Variants in LY9 observed in about 807,000 individuals in gnomAD.
LY9 encodes T-lymphocyte surface antigen Ly-9.
A neutral mutation model predicts 64.6 loss-of-function variants in LY9; 59 were observed. That is an observed-to-expected ratio of 0.91 (90% CI 0.74 to 1.13). The LOEUF (loss-of-function observed/expected upper bound fraction) is 1.13. LY9 is among the 50% of genes most tolerant of loss of function. The pLI is 0.00. For missense variants in LY9, 789 were observed against 797.2 expected, an observed-to-expected ratio of 0.99 and a Z score of 0.12; for synonymous variants, 281 against 308.5, an observed-to-expected ratio of 0.91 and a Z score of 0.93.
In LY9 at chr1:160,803,572, T is replaced by C. The variant is rs1438703562; in HGVS notation, c.454+3490T>C. On this transcript the variant is annotated intron_variant, in intron 2 of 9. Coordinates refer to ENST00000263285, the MANE Select transcript of LY9 (RefSeq NM_002348.4). ...ATTATAAACCGGATTCACTTCTTTA[T>C]TTCTTTCTTGATTAAATAATTATTG... 3.9e-5 allele frequency among the ~76,000 whole-genome samples: 6 copies of C among 152,366 alleles called. No homozygotes were observed. In the East Asian group the frequency reaches 1.2e-3, roughly 29 times the overall value.
intron 5 of LY9, 59 bp from the exon 6 acceptor site, chr1:160,818,159 G>A: frequency 8.9e-7 from 1 of 1,119,596 alleles, no homozygotes; most frequent in East Asian, 2.4e-5. Context: ...TCTGTGCATT[G>A]TTTGCTCCAG....
chr1:160,821,829 G>C (rs955639991), intron 7 of LY9, among the ~76,000 whole-genome samples: 8 of 152,140 alleles, frequency 5.3e-5, no homozygotes, highest in African/African-American at 1.9e-4. Context: ...AGCCGGGAGG[G>C]GGCAGGATTG....
At chr1:160,798,999 A>G (rs2101732490) in intron 1 of LY9, 1 of 152,324 alleles carries the variant, frequency 6.6e-6, no homozygotes, top group Middle Eastern at 3.4e-3. Flanking sequence ...CCAGCTTCCT[A>G]GATGCCTTGG....
At chr1:160,811,712 C>T (rs550678711) in intron 2 of LY9, 7 of 152,342 alleles carry the variant, frequency 4.6e-5, no homozygotes, top group African/African-American at 1.7e-4. Context: ...TTTCTAATTT[C>T]TGTCTGAGAC....
At position 160,803,039 on chromosome 1, in the gene LY9, T is replaced by TG. The variant is rs1666652049; in HGVS notation, c.454+2960dup. On this transcript the variant is annotated intron_variant, in intron 2 of 9. Coordinates refer to ENST00000263285, the MANE Select transcript of LY9 (RefSeq NM_002348.4). ...ATTCATGCCCGTAATCCCAACACTT[T>TG]GGGAGGCTGAGGCAGGCAGATCTCT... 2.0e-5 allele frequency among the ~76,000 whole-genome samples: 3 copies of TG among 152,286 alleles called. No individual in the cohort carries two copies. In the South Asian group the frequency reaches 6.2e-4, roughly 32 times the overall value.
In LY9 at chr1:160,800,097, G is replaced by T. The variant is rs1666298144; in HGVS notation, c.454+15G>T. ...GTTCGTCTATGGTGAGTTCCAGAGA[G>T]CTTCTGTGTTTTGATCTTTTCTTTT... On this transcript the variant is annotated intron_variant, in intron 2 of 9. Coordinates refer to ENST00000263285, the MANE Select transcript of LY9 (RefSeq NM_002348.4). The T allele has an allele frequency of 1.3e-6, 2 of 1,579,408 alleles. No individual in the cohort carries two copies. Among genetic ancestry groups the T allele is most frequent in the South Asian group, 2.3e-5 (2 of 86,694 alleles).
At chr1:160,824,502 A>G (rs1668736539) in intron 9 of LY9, 4 of 985,116 alleles carry the variant, frequency 4.1e-6, no homozygotes, top group Non-Finnish European at 4.8e-6. Context: ...ACTGACCTGA[A>G]TGACAGCTTA....
intron 1 of LY9, among the ~76,000 whole-genome samples, chr1:160,796,865 T>C (rs1244476402): frequency 6.6e-6 from 1 of 151,428 alleles, no homozygotes; most frequent in Non-Finnish European, 1.5e-5. Flanking sequence ...GTTTGTTCCC[T>C]GTATGGTGTG....
intron 5 of LY9, among the ~76,000 whole-genome samples, chr1:160,817,677 T>A (rs1017306837): frequency 2.6e-5 from 4 of 152,160 alleles, no homozygotes; most frequent in African/African-American, 9.7e-5. Flanking sequence ...CCCCTTTATA[T>A]GGATAAAGAA....
In LY9 at chr1:160,825,850, C is replaced by T. The variant is rs934942191; in HGVS notation, c.1899+1601C>T. Among the ~76,000 whole-genome samples the T allele has an allele frequency of 1.5e-4, 23 of 152,052 alleles. 1 individual carries two copies. The highest frequency in any genetic ancestry group is 5.3e-4 in the African/African-American group (22 of 41,444). Reference sequence around the variant, plus strand: ...GCTTGAACCCAGGAGGTGGAGGTTGCGGTGAGCAGAGATCACACCATTGCA... The same window carrying T: ...GCTTGAACCCAGGAGGTGGAGGTTGTGGTGAGCAGAGATCACACCATTGCA... On this transcript the variant is annotated intron_variant, in intron 9 of 9. Transcript: ENST00000263285.
chr1:160,818,515 A>G (rs1036985734), intron 6 of LY9, among the ~76,000 whole-genome samples, 196 bp downstream of exon 6: 9 of 152,128 alleles, frequency 5.9e-5, no homozygotes, highest in African/African-American at 2.2e-4. Flanking sequence ...ACTGGCTTAG[A>G]CAGAAAAAAA....
At chr1:160,801,193 A>G (rs1358483052) in intron 2 of LY9, among the ~76,000 whole-genome samples, 1 of 152,128 alleles carries the variant, frequency 6.6e-6, no homozygotes, top group African/African-American at 2.4e-5. Context: ...AAGAGTGTCT[A>G]AGATTTCCCC....
At chr1:160,817,102 C>A in intron 5 of LY9, among the ~76,000 whole-genome samples, 1 of 152,180 alleles carries the variant, frequency 6.6e-6, no homozygotes. Context: ...CTGAATATAT[C>A]CAAAATATCA....
chr1:160,809,093 ACC>A (rs1458327088), intron 2 of LY9, among the ~76,000 whole-genome samples: 2 of 152,070 alleles, frequency 1.3e-5, no homozygotes, highest in Non-Finnish European at 2.9e-5. Context: ...ATTCTTGTGC[ACC>A]TATCTTTTCA....
chr1:160,818,908 C>G (rs974533652), intron 6 of LY9, among the ~76,000 whole-genome samples: 1 of 152,162 alleles, frequency 6.6e-6, no homozygotes, highest in African/African-American at 2.4e-5. Context: ...GGACCAATTT[C>G]TATAGCCAAG....
rs1254977975 is a variant in LY9, at chr1:160,813,729, C to A, written c.548C>A (p.Ala183Glu). Residue 183 changes from alanine to glutamate, a missense_variant, in exon 3 of 10, where the codon GCA becomes GAA. Physicochemically the swap from Ala to Glu is moderately radical, Grantham distance 107 (BLOSUM62 -1). Transcript: ENST00000263285. ...NITLMCSVKG[A>E]EKSVLYSWTP... Reference sequence around the variant, plus strand: ...ACTCTAATGTGCTCCGTGAAGGGGGCAGAGAAAAGTGTTCTGTACAGCTGG... The same window carrying A: ...ACTCTAATGTGCTCCGTGAAGGGGGAAGAGAAAAGTGTTCTGTACAGCTGG... The A allele has an allele frequency of 6.2e-7, 1 of 1,614,086 alleles. No homozygotes were observed. The highest frequency in any genetic ancestry group is 2.2e-5 in the East Asian group (1 of 44,888).
rs116166742 is a variant in LY9 at position 160,816,975 on chromosome 1, T to C, written c.1342+112T>C. Reference sequence around the variant, plus strand: ...TAAGAGGCTGTGGGTGAGAGCCCTTTAGAGTGGCATGCTTCCACAGATATA... The same window carrying C: ...TAAGAGGCTGTGGGTGAGAGCCCTTCAGAGTGGCATGCTTCCACAGATATA... On this transcript the variant is annotated intron_variant, in intron 5 of 9. Coordinates refer to ENST00000263285, the MANE Select transcript of LY9 (RefSeq NM_002348.4). 2,161 of 999,596 alleles carry C rather than the reference T, an allele frequency of 2.2e-3. 32 individuals carry two copies. In the African/African-American group the frequency reaches 0.031, roughly 14 times the overall value. The allele number at this position is 999,596 out of a possible 1,614,324, so 61.9% of individuals were successfully genotyped here. A position where few individuals can be genotyped will look rare whatever the true frequency, so the allele number is the denominator to read the frequency against.
chr1:160,797,865 A>G (rs1666042711), intron 1 of LY9, among the ~76,000 whole-genome samples: 1 of 2,634 alleles, frequency 3.8e-4, no homozygotes, highest in African/African-American at 1.6e-3. Flanking sequence ...TGATCTATAC[A>G]CACACACACA....
chr1:160,815,332 C>G (rs938130896), intron 4 of LY9: 1 of 146,870 alleles, frequency 6.8e-6, no homozygotes, highest in African/African-American at 2.4e-5. Flanking sequence ...AAGAGCAAGA[C>G]TCCGTCTAAA....
Sources: gnomAD v4.1 joint callset for allele counts (sites outside exome capture counted in the v4.1 genomes callset) on GRCh38, gnomAD v4.1.1 for gene constraint, MANE v1.5 for transcripts, NCBI Gene and HGNC (gene_info 2026-07-23, HGNC 2026-07-21) for gene names.